Variants in SHISA8 observed in about 807,000 individuals in gnomAD.
SHISA8 encodes the protein protein shisa-8.
Under a neutral mutation model 21.1 loss-of-function variants are expected in SHISA8, and 21 were observed. The ratio of observed to expected loss-of-function variants is 0.99; its 90% CI spans 0.71 to 1.43. The LOEUF is 1.43. Among genes scored for constraint, SHISA8 ranks in the 40% most tolerant of loss-of-function variants. SHISA8 has a pLI of 0.00. For synonymous variants in SHISA8, 300 were observed against 291.4 expected (o/e 1.03, Z -0.30); for missense variants, 535 against 599.1 (o/e 0.89, Z 1.12).
At position 41,911,361 on chromosome 22, in the gene SHISA8, G is replaced by A; in HGVS notation, c.531-12C>T. ...GCTCTGTCAGCGCCCTGCGGGGACA[G>A]CAGTCAGGGGTGGCCCTCTGTCTCC... is the stretch of plus-strand genomic sequence containing the variant. On this transcript the variant is annotated splice_polypyrimidine_tract_variant and intron_variant, in intron 1 of 3. Transcript: ENST00000621082. The A allele has an allele frequency of 8.1e-7, 1 of 1,237,858 alleles. No homozygotes were observed. Among genetic ancestry groups the A allele is most frequent in the South Asian group, 3.9e-5 (1 of 25,964 alleles). The allele number at this position is 1,237,858 out of a possible 1,614,324, so 76.7% of individuals were successfully genotyped here.
At position 41,910,256 on chromosome 22, in the gene SHISA8, G is replaced by A. The variant is rs2077539857; in HGVS notation, c.812-109C>T. 4 of 1,222,790 alleles carry A rather than the reference G, an allele frequency of 3.3e-6. No individual in the cohort carries two copies. Among genetic ancestry groups the A allele is most frequent in the Admixed American group, 4.3e-5 (1 of 23,224 alleles). 75.7% of individuals were successfully genotyped at this position (1,222,790 alleles called of 1,614,324 possible). A position where few individuals can be genotyped will look rare whatever the true frequency, so the allele number is the denominator to read the frequency against. Reference sequence around the variant, plus strand: ...GACGGGGACCGGGCCGGGGCGGGCCGGGGGCGGGGCCCGCTGGGGCGAGGG... The same window carrying A: ...GACGGGGACCGGGCCGGGGCGGGCCAGGGGCGGGGCCCGCTGGGGCGAGGG... On this transcript the variant is annotated intron_variant, in intron 3 of 3. Transcript: ENST00000621082. The surrounding 1 kb of genome is among the most constrained non-coding windows in gnomAD (Gnocchi z 6.8).
At chr22:41,912,112 G>C (rs755705990) in intron 1 of SHISA8, among the ~76,000 whole-genome samples, 5 of 152,158 alleles carry the variant, frequency 3.3e-5, no homozygotes, top group Non-Finnish European at 1.5e-5. Flanking sequence ...CTGCCATCAC[G>C]GGCATGAAGG....
chr22:41,909,771 G>T lies in SHISA8; in HGVS notation c.1188C>A (p.Thr396=). Residue 396 remains threonine (T), a synonymous_variant, in exon 4 of 4, where the codon ACC becomes ACA. Coordinates refer to ENST00000621082, the MANE Select transcript of SHISA8 (RefSeq NM_001207020.3). ...YLRTNSKTEV[T]V is the part of the protein sequence containing the mutation. The stretch of plus-strand genomic sequence containing the variant: ...AGGGCACCGCGGCCCCGCTTCACAC[G>T]GTGACCTCGGTCTTGCTATTGGTCC... The T allele has an allele frequency of 1.4e-6, 2 of 1,464,938 alleles. No homozygotes were observed. Among genetic ancestry groups the T allele is most frequent in the South Asian group, 1.3e-5 (1 of 76,480 alleles). 90.7% of individuals were successfully genotyped at this position (1,464,938 alleles called of 1,614,324 possible). A position where few individuals can be genotyped will look rare whatever the true frequency, so the allele number is the denominator to read the frequency against.
chr22:41,911,156 G>A, intron 2 of SHISA8, 60 bp downstream of exon 2: 1 of 1,251,418 alleles, frequency 8.0e-7, no homozygotes, highest in Non-Finnish European at 1.0e-6. Context: ...ACCGCCTCTC[G>A]GCCTCTCACG....
At chr22:41,913,973 C>T (rs2077567547) in intron 1 of SHISA8, among the ~76,000 whole-genome samples, 165 bp downstream of exon 1, 1 of 148,102 alleles carries the variant, frequency 6.8e-6, no homozygotes. Flanking sequence ...TGTCAGGTGT[C>T]TCCCTGATGA....
chr22:41,914,940 C>A lies in SHISA8; in HGVS notation c.-273G>T, dbSNP rs1275017095. On this transcript the variant is annotated 5_prime_UTR_variant, in exon 1 of 4. Transcript: ENST00000621082. The surrounding 1 kb of genome is among the most constrained non-coding windows in gnomAD (Gnocchi z 6.8). ...TTCCCCGGGCCGGGCGGCGGGTCCT[C>A]GCCTGCGCGCGGCCCCCGGCTTCTC... 6.6e-6 allele frequency among the ~76,000 whole-genome samples: 1 copy of A among 151,214 alleles called. No homozygotes were observed. The highest frequency in any genetic ancestry group is 2.4e-5 in the African/African-American group (1 of 41,278).
intron 2 of SHISA8, among the ~76,000 whole-genome samples, chr22:41,911,008 C>T (rs1286019135): frequency 6.6e-6 from 1 of 152,214 alleles, no homozygotes; most frequent in African/African-American, 2.4e-5. Flanking sequence ...TCACACATCA[C>T]AGCCCCCCAG....
In SHISA8 at chr22:41,910,667, G is replaced by C; in HGVS notation, c.665-113C>G. On this transcript the variant is annotated intron_variant, in intron 2 of 3. Transcript: ENST00000621082. This position sits in a 1 kb window ranked among gnomAD's most constrained non-coding sequence, Gnocchi z 6.8. Reference sequence around the variant, plus strand: ...CCGTTCGGTGAGAACCTGGGGGACCGTTCTCCGGGCGAGGCTGCGAGCCAA... The same window carrying C: ...CCGTTCGGTGAGAACCTGGGGGACCCTTCTCCGGGCGAGGCTGCGAGCCAA... The C allele has an allele frequency of 1.7e-6, 2 of 1,158,332 alleles. No individual in the cohort carries two copies. The highest frequency in any genetic ancestry group is 1.1e-6 in the Non-Finnish European group (1 of 928,546). The allele number at this position is 1,158,332 out of a possible 1,614,324, so 71.8% of individuals were successfully genotyped here.
At position 41,910,436 on chromosome 22, in the gene SHISA8, C is replaced by T; in HGVS notation, c.783G>A (p.Thr261=). The stretch of plus-strand genomic sequence containing the variant: ...CGGCCTTGAGCGCGGCGGCCTTGAA[C>T]GTGGCGTACTTGGCGTAGTCTGGCT... ...TLQPDYAKYA[T]FKAAALKAAE... The change falls in exon 3 of 4, where the codon ACG becomes ACA. Residue 261 remains threonine (T), a synonymous_variant. Coordinates refer to ENST00000621082, the MANE Select transcript of SHISA8 (RefSeq NM_001207020.3). The surrounding 1 kb of genome is among the most constrained non-coding windows in gnomAD (Gnocchi z 6.8). 1.5e-6 allele frequency: 2 copies of T among 1,359,398 alleles called. No homozygotes were observed. The allele number at this position is 1,359,398 out of a possible 1,614,324, so 84.2% of individuals were successfully genotyped here.
rs973062860 is a variant in SHISA8 at position 41,910,985 on chromosome 22, T to G, written c.664+231A>C. ...ACAGCCCCGGCCAGCAAATCCTGCA[T>G]CTGGAACCTTCCTCACACATCACAG... On this transcript the variant is annotated intron_variant, in intron 2 of 3. Transcript: ENST00000621082. The surrounding 1 kb of genome is among the most constrained non-coding windows in gnomAD (Gnocchi z 6.8). 6.7e-6 allele frequency among the ~76,000 whole-genome samples: 1 copy of G among 150,290 alleles called. No individual in the cohort carries two copies. Among genetic ancestry groups the G allele is most frequent in the African/African-American group, 2.5e-5 (1 of 40,720 alleles).
chr22:41,909,836 C>T lies in SHISA8; in HGVS notation c.1123G>A (p.Gly375Ser), dbSNP rs559190885. 1.3e-5 allele frequency: 20 copies of T among 1,527,220 alleles called. No homozygotes were observed. The East Asian group carries it at 4.7e-4, about 36-fold the overall frequency. The allele number at this position is 1,527,220 out of a possible 1,614,324, so 94.6% of individuals were successfully genotyped here. ...MPETFNPQLP[G>S]LYGSAGRGSR... ...CCGCGGCCCGCGCTGCCGTAAAGGC[C>T]GGGGAGCTGCGGGTTGAAGGTCTCA... The change falls in exon 4 of 4, where the codon GGC (glycine) becomes AGC (serine). Residue 375 changes from glycine (G) to serine (S), a missense_variant. Coordinates refer to ENST00000621082, the MANE Select transcript of SHISA8 (RefSeq NM_001207020.3).
Position 41,909,548 on chromosome 22 carries a change from C to T in SHISA8, c.*217G>A. On this transcript the variant is annotated 3_prime_UTR_variant, in exon 4 of 4. Transcript: ENST00000621082. ...GTACAGTCAGTGACCAATGGTGCCT[C>T]GCAGCCACGCTGGGGCTTCTTTATT... 1.9e-6 allele frequency: 1 copy of T among 537,092 alleles called. No homozygotes were observed. The highest frequency in any genetic ancestry group is 2.9e-6 in the Non-Finnish European group (1 of 346,976). The allele number at this position is 537,092 out of a possible 1,614,324, so 33.3% of individuals were successfully genotyped here. A position where few individuals can be genotyped will look rare whatever the true frequency, so the allele number is the denominator to read the frequency against.
Position 41,909,750 on chromosome 22 carries a change from C to A in SHISA8, c.*15G>T. 1.4e-6 allele frequency: 2 copies of A among 1,432,508 alleles called. No homozygotes were observed. The highest frequency in any genetic ancestry group is 1.4e-5 in the South Asian group (1 of 71,138). 88.7% of individuals were successfully genotyped at this position (1,432,508 alleles called of 1,614,324 possible). ...AGGACCCCAGCCCATGCCTCGAGGGCACCGCGGCCCCGCTTCACACGGTGA... is the reference window on the plus strand; with the variant it reads ...AGGACCCCAGCCCATGCCTCGAGGGAACCGCGGCCCCGCTTCACACGGTGA... On this transcript the variant is annotated 3_prime_UTR_variant, in exon 4 of 4. Coordinates refer to ENST00000621082, the MANE Select transcript of SHISA8 (RefSeq NM_001207020.3).
chr22:41,915,074 TGGCTCC>T (rs750999426), upstream of SHISA8, among the ~76,000 whole-genome samples: 21,477 of 151,644 alleles, frequency 0.14, 2,326 homozygotes, highest in African/African-American at 0.31. This position sits in a 1 kb window ranked among gnomAD's most constrained non-coding sequence, Gnocchi z 5.0. Context: ...GCCCGCGCTC[TGGCTCC>T]GGCTCCGGCT....
Position 41,910,847 on chromosome 22 carries a change from C to G in SHISA8, c.665-293G>C. 6.6e-6 allele frequency among the ~76,000 whole-genome samples: 1 copy of G among 152,120 alleles called. No homozygotes were observed. The highest frequency in any genetic ancestry group is 1.9e-4 in the East Asian group (1 of 5,156). On this transcript the variant is annotated intron_variant, in intron 2 of 3. Transcript: ENST00000621082. This position sits in a 1 kb window ranked among gnomAD's most constrained non-coding sequence, Gnocchi z 6.8. ...GGCGCGGAGTCCTGGGACCTGCTCC[C>G]GCCGAGACGGGGGATGTCTGAGGAA...
At chr22:41,911,475 T>C in intron 1 of SHISA8, 126 bp from the exon 2 acceptor site, 1 of 1,066,120 alleles carries the variant, frequency 9.4e-7, no homozygotes, top group Non-Finnish European at 1.2e-6. Flanking sequence ...TCCTCTCCGG[T>C]GCTCGAAATC....
Position 41,914,407 on chromosome 22 carries a change from C to A in SHISA8, c.261G>T (p.Thr87=), listed in dbSNP as rs2077571728. The A allele has an allele frequency of 6.0e-6, 8 of 1,341,452 alleles. No individual in the cohort carries two copies. The allele number at this position is 1,341,452 out of a possible 1,614,324, so 83.1% of individuals were successfully genotyped here. A position where few individuals can be genotyped will look rare whatever the true frequency, so the allele number is the denominator to read the frequency against. The change falls in exon 1 of 4, where the codon ACG becomes ACT. Residue 87 remains threonine, a synonymous_variant. Coordinates refer to ENST00000621082, the MANE Select transcript of SHISA8 (RefSeq NM_001207020.3). This position sits in a 1 kb window ranked among gnomAD's most constrained non-coding sequence, Gnocchi z 6.8. ...SSGAYSFCCG[T]CGYRFCCHDG... ...CGTGGCAGCAGAAGCGGTAGCCGCA[C>A]GTGCCGCAGCAGAAGCTGTAGGCTC... is the stretch of plus-strand genomic sequence containing the variant.
intron 2 of SHISA8, among the ~76,000 whole-genome samples, 159 bp downstream of exon 2, chr22:41,911,057 C>G (rs2077549829): frequency 6.6e-6 from 1 of 152,298 alleles, no homozygotes; most frequent in South Asian, 2.1e-4. Context: ...CCCTTTCCAC[C>G]CTGGCGAGCT....
Position 41,914,680 on chromosome 22 carries a change from TC to T in SHISA8, c.-14del. ...CGGCCCGCGCCATCGGGCCCGCGCC[TC>T]CCGCTACTGCGCCCGGTGCATGGCC... is the stretch of plus-strand genomic sequence containing the variant. On this transcript the variant is annotated 5_prime_UTR_variant, in exon 1 of 4. Transcript: ENST00000621082. The surrounding 1 kb of genome is among the most constrained non-coding windows in gnomAD (Gnocchi z 6.8). The T allele has an allele frequency of 9.9e-7, 1 of 1,015,110 alleles. No individual in the cohort carries two copies. Among genetic ancestry groups the T allele is most frequent in the Non-Finnish European group, 1.2e-6 (1 of 851,416 alleles). The allele number at this position is 1,015,110 out of a possible 1,614,324, so 62.9% of individuals were successfully genotyped here.
Sources: allele counts gnomAD v4.1 joint callset (sites outside exome capture counted in the v4.1 genomes callset), GRCh38; gene constraint gnomAD v4.1.1; non-coding constraint Gnocchi (gnomAD v3.1); transcripts MANE v1.5; gene names NCBI Gene and HGNC (gene_info 2026-07-23, HGNC 2026-07-21).